TMEM132D: variants seen among roughly 807,000 people sequenced by gnomAD.
TMEM132D encodes the protein mature OL transmembrane protein.
TMEM132D carries 21 observed loss-of-function variants against 62.3 expected under a neutral mutation model. The ratio of observed to expected loss-of-function variants is 0.34; its 90% CI spans 0.24 to 0.49. TMEM132D has a LOEUF of 0.49. Among genes scored for constraint, TMEM132D ranks in the 20% least tolerant of loss-of-function variants. The pLI is 0.99. For synonymous variants in TMEM132D, 621 were observed against 575.6 expected (o/e 1.08, Z -1.13); for missense variants, 1,346 against 1,402.8 (o/e 0.96, Z 0.65).
intron 4 of TMEM132D, among the ~76,000 whole-genome samples, chr12:129,278,115 A>G (rs1373544161): frequency 6.6e-6 from 1 of 152,204 alleles, no homozygotes; most frequent in African/African-American, 2.4e-5. Flanking sequence ...ACTCCTTTAC[A>G]TAAGCCCCAA....
intron 1 of TMEM132D, among the ~76,000 whole-genome samples, chr12:129,886,774 G>T (rs1874760370): frequency 6.6e-6 from 1 of 152,154 alleles, no homozygotes; most frequent in Non-Finnish European, 1.5e-5. Flanking sequence ...GTCGTGGAAG[G>T]GACCCGGTGG....
intron 3 of TMEM132D, among the ~76,000 whole-genome samples, chr12:129,530,336 A>T (rs1876179390): frequency 6.8e-6 from 1 of 147,672 alleles, no homozygotes; most frequent in South Asian, 2.2e-4. Context: ...TGAAATTTTC[A>T]ATAGAATCCT....
intron 4 of TMEM132D, among the ~76,000 whole-genome samples, chr12:129,298,654 C>A (rs75588518): frequency 6.6e-6 from 1 of 152,158 alleles, no homozygotes. Context: ...TGGTAACCAA[C>A]GGTTCTACTT....
intron 5 of TMEM132D, among the ~76,000 whole-genome samples, chr12:129,096,013 G>C (rs1332450260): frequency 6.6e-6 from 1 of 152,172 alleles, no homozygotes; most frequent in Non-Finnish European, 1.5e-5. Flanking sequence ...ACCCAGGGGA[G>C]AGCCAGCTCC....
At chr12:129,864,300 C>A (rs1873991402) in intron 1 of TMEM132D, among the ~76,000 whole-genome samples, 1 of 152,194 alleles carries the variant, frequency 6.6e-6, no homozygotes, top group Non-Finnish European at 1.5e-5. Context: ...TCAGCAGAGG[C>A]CCCAGACATC....
chr12:129,631,523 A>G (rs915933945), intron 2 of TMEM132D, among the ~76,000 whole-genome samples: 1 of 152,226 alleles, frequency 6.6e-6, no homozygotes, highest in Non-Finnish European at 1.5e-5. Flanking sequence ...TTACTGAGGA[A>G]AAATTCTGAG....
intron 3 of TMEM132D, among the ~76,000 whole-genome samples, chr12:129,413,380 T>C (rs1872025989): frequency 6.6e-6 from 1 of 152,210 alleles, no homozygotes; most frequent in Non-Finnish European, 1.5e-5. Context: ...TCTGCTATGA[T>C]TGTGAGACCT....
chr12:129,499,322 G>A (rs1051714709), intron 3 of TMEM132D, among the ~76,000 whole-genome samples: 13 of 152,148 alleles, frequency 8.5e-5, no homozygotes, highest in Admixed American at 3.9e-4. Flanking sequence ...GTGAGGGGTG[G>A]CATTACTCAG....
At chr12:129,847,933 G>A (rs12306127) in intron 1 of TMEM132D, among the ~76,000 whole-genome samples, 43,895 of 151,814 alleles carry the variant, frequency 0.29, 6,542 homozygotes, top group East Asian at 0.59. Flanking sequence ...CCTGCCCGCA[G>A]TAGTGTTAGG....
At chr12:129,806,209 C>T (rs1313391862) in intron 1 of TMEM132D, among the ~76,000 whole-genome samples, 16 of 47,154 alleles carry the variant, frequency 3.4e-4, no homozygotes, top group East Asian at 2.3e-3. Context: ...ACCCAAAGGA[C>T]TATAAATCAT....
intron 5 of TMEM132D, among the ~76,000 whole-genome samples, chr12:129,169,075 G>A (rs889343069): frequency 6.6e-6 from 1 of 152,134 alleles, no homozygotes; most frequent in East Asian, 1.9e-4. Context: ...TCGTAAAGCC[G>A]TCTTTAAACT....
chr12:129,519,669 TG>T (rs1442921651), intron 3 of TMEM132D, among the ~76,000 whole-genome samples: 1 of 151,116 alleles, frequency 6.6e-6, no homozygotes, highest in Non-Finnish European at 1.5e-5. Flanking sequence ...AGTCCAGTGG[TG>T]CAATCTCGGC....
chr12:129,125,499 AGTTTTTTTTTT>A (rs1160890261), intron 5 of TMEM132D, among the ~76,000 whole-genome samples: 3 of 127,834 alleles, frequency 2.3e-5, no homozygotes, highest in Non-Finnish European at 3.2e-5. Flanking sequence ...AATTACTATG[AGTTTTTTTTTT>A]TTTTTTTTTT....
rs1874108542 is a variant in TMEM132D, at chr12:129,072,617, C to G, written c.*1258G>C. ...CTCCAAGATGAAGAAGGTTTCTGTG[C>G]TGTCCGGTGTGTGTGAGGCTGGGCT... On this transcript the variant is annotated 3_prime_UTR_variant, in exon 9 of 9. Coordinates refer to ENST00000422113, the MANE Select transcript of TMEM132D (RefSeq NM_133448.3). The G allele has an allele frequency of 6.6e-6, 1 of 152,408 alleles. No individual in the cohort carries two copies. The highest frequency in any genetic ancestry group is 1.5e-5 in the Non-Finnish European group (1 of 68,198). The allele number at this position is 152,408 out of a possible 1,614,324, so 9.4% of individuals were successfully genotyped here. A position where few individuals can be genotyped will look rare whatever the true frequency, so the allele number is the denominator to read the frequency against.
At chr12:129,449,546 C>A (rs1007895714) in intron 3 of TMEM132D, among the ~76,000 whole-genome samples, 1 of 152,140 alleles carries the variant, frequency 6.6e-6, no homozygotes, top group Non-Finnish European at 1.5e-5. Flanking sequence ...GGCTAGACAG[C>A]AATATGGGTA....
chr12:129,834,931 A>C (rs1221933173), intron 1 of TMEM132D, among the ~76,000 whole-genome samples: 9 of 152,294 alleles, frequency 5.9e-5, no homozygotes, highest in South Asian at 4.1e-4. Context: ...TGGAGAATTG[A>C]ACAGAAGGGA....
intron 4 of TMEM132D, among the ~76,000 whole-genome samples, chr12:129,267,982 T>C (rs1488567684): frequency 2.0e-5 from 3 of 152,240 alleles, no homozygotes; most frequent in East Asian, 1.9e-4. Flanking sequence ...GCTAGCCATA[T>C]GTAGAAAGCT....
At chr12:129,199,710 G>T (rs990557981) in intron 5 of TMEM132D, among the ~76,000 whole-genome samples, 1 of 152,274 alleles carries the variant, frequency 6.6e-6, no homozygotes, top group Non-Finnish European at 1.5e-5. Context: ...AGGAGCAAAG[G>T]CATGTCTTAC....
chr12:129,594,476 T>C (rs2137137658), intron 2 of TMEM132D, among the ~76,000 whole-genome samples: 1 of 152,312 alleles, frequency 6.6e-6, no homozygotes, highest in South Asian at 2.1e-4. Context: ...GAGAAAAATG[T>C]AAAAAGGGAT....
Sources: allele counts gnomAD v4.1 joint callset (sites outside exome capture counted in the v4.1 genomes callset), GRCh38; gene constraint gnomAD v4.1.1; transcripts MANE v1.5; gene names NCBI Gene and HGNC (gene_info 2026-07-23, HGNC 2026-07-21).